Variants in PCMTD1 observed in about 807,000 individuals in gnomAD.
PCMTD1 encodes protein-L-isoaspartate O-methyltransferase domain-containing protein 1.
In PCMTD1, 12 loss-of-function variants were observed where a neutral mutation model predicts 37.6. The ratio of observed to expected loss-of-function variants is 0.32; its 90% CI spans 0.20 to 0.52. The LOEUF (loss-of-function observed/expected upper bound fraction) is 0.52. Ranked by LOEUF, PCMTD1 falls within the 20% of genes least tolerant of loss-of-function variation. PCMTD1 has a pLI of 0.97. For missense variants in PCMTD1, 235 were observed against 421.3 expected (o/e 0.56, Z 3.87); for synonymous variants, 117 against 135.8 (o/e 0.86, Z 0.96).
Position 51,817,885 on chromosome 8 carries a change from T to C in PCMTD1, c.*2466A>G. The C allele has an allele frequency of 2.2e-6, 1 of 456,830 alleles. No individual in the cohort carries two copies. Among genetic ancestry groups the C allele is most frequent in the South Asian group, 1.5e-5 (1 of 64,576 alleles). 28.3% of individuals were successfully genotyped at this position (456,830 alleles called of 1,614,324 possible). ...GGCCCTGTCTCTAACTCACTGTATG[T>C]TTCAGGCAAAACATGCCACGGTTCT... On this transcript the variant is annotated 3_prime_UTR_variant, in exon 6 of 6. Coordinates refer to ENST00000522514, the MANE Select transcript of PCMTD1 (RefSeq NM_052937.4).
intron 2 of PCMTD1, among the ~76,000 whole-genome samples, chr8:51,856,717 C>T (rs73592223): frequency 0.043 from 6,508 of 152,180 alleles, 460 homozygotes; most frequent in African/African-American, 0.14. Flanking sequence ...TGGATGAACC[C>T]TGAAAATGTA....
At chr8:51,829,000 G>A (rs1046701238) in intron 5 of PCMTD1, among the ~76,000 whole-genome samples, 1 of 151,972 alleles carries the variant, frequency 6.6e-6, no homozygotes, top group Non-Finnish European at 1.5e-5. Flanking sequence ...TGTTATATAT[G>A]GATTAAAGTC....
At chr8:51,878,195 G>A (rs994358234) in intron 1 of PCMTD1, among the ~76,000 whole-genome samples, 2 of 151,436 alleles carry the variant, frequency 1.3e-5, no homozygotes, top group Non-Finnish European at 2.9e-5. Flanking sequence ...GGCTTTGAAT[G>A]CAGCCAAACA....
intron 1 of PCMTD1, among the ~76,000 whole-genome samples, chr8:51,875,777 T>A (rs1038137128): frequency 1.3e-5 from 2 of 152,036 alleles, no homozygotes; most frequent in Admixed American, 6.6e-5. Flanking sequence ...AAAAAAAATT[T>A]AAGAATCAGC....
intron 1 of PCMTD1, among the ~76,000 whole-genome samples, chr8:51,882,971 CAAAAAA>C (rs71252917): frequency 1.5e-5 from 2 of 137,574 alleles, no homozygotes; most frequent in Non-Finnish European, 3.1e-5. Context: ...ACTAAAAATA[CAAAAAA>C]AAAAAAAAAA....
At position 51,820,737 on chromosome 8, in the gene PCMTD1, C is replaced by A; in HGVS notation, c.707-19G>T. 6.4e-7 allele frequency: 1 copy of A among 1,560,872 alleles called. No homozygotes were observed. The highest frequency in any genetic ancestry group is 8.6e-7 in the Non-Finnish European group (1 of 1,157,974). On this transcript the variant is annotated intron_variant, in intron 5 of 5. Transcript: ENST00000522514. ...CAGGGAGCTAAAAACAAACATAAAA[C>A]GCAAGAAAGAAAATATTAACAATAA... is the stretch of plus-strand genomic sequence containing the variant.
In PCMTD1 at chr8:51,899,005, C is replaced by T. The variant is rs897156213; in HGVS notation, c.-171G>A. 9 of 1,513,352 alleles carry T rather than the reference C, an allele frequency of 5.9e-6. 1 individual carries two copies. The East Asian group carries it at 2.1e-4, about 35-fold the overall frequency. The allele number at this position is 1,513,352 out of a possible 1,614,324, so 93.7% of individuals were successfully genotyped here. On this transcript the variant is annotated 5_prime_UTR_variant, in exon 1 of 6. In the 5' UTR this introduces an upstream ATG that the reference lacks. Coordinates refer to ENST00000522514, the MANE Select transcript of PCMTD1 (RefSeq NM_052937.4). ...CCGCAGCAGCCAGACGCCGCTACCACCACAATAACAACACGGACGCCACCG... is the reference window on the plus strand; with the variant it reads ...CCGCAGCAGCCAGACGCCGCTACCATCACAATAACAACACGGACGCCACCG...
At chr8:51,839,320 G>C (rs11990932) in intron 3 of PCMTD1, 5,212 of 321,582 alleles carry the variant, frequency 0.016, 62 homozygotes, top group Middle Eastern at 0.044. Flanking sequence ...ATAAGGAAAA[G>C]TAATTGACAT....
intron 1 of PCMTD1, among the ~76,000 whole-genome samples, chr8:51,895,801 G>A (rs180838686): frequency 4.5e-4 from 68 of 152,214 alleles, no homozygotes; most frequent in Admixed American, 2.1e-3. Context: ...TGGCAGATAC[G>A]CCATTTAGGT....
intron 3 of PCMTD1, among the ~76,000 whole-genome samples, chr8:51,843,943 A>C (rs1226006289): frequency 6.6e-6 from 1 of 152,182 alleles, no homozygotes; most frequent in African/African-American, 2.4e-5. Context: ...ATTTGCTTTC[A>C]CTAATACTTT....
chr8:51,853,675 T>C (rs907199043), intron 2 of PCMTD1, among the ~76,000 whole-genome samples: 8 of 152,198 alleles, frequency 5.3e-5, no homozygotes, highest in African/African-American at 1.9e-4. Context: ...AGAGACTATA[T>C]TATTTATTTT....
intron 5 of PCMTD1, among the ~76,000 whole-genome samples, chr8:51,824,736 A>C (rs2037898400): frequency 6.6e-6 from 1 of 152,206 alleles, no homozygotes; most frequent in South Asian, 2.1e-4. Context: ...TGCATAGCCA[A>C]GACAATCTTA....
intron 1 of PCMTD1, among the ~76,000 whole-genome samples, chr8:51,886,571 T>G (rs1471858201): frequency 6.6e-6 from 1 of 152,152 alleles, no homozygotes; most frequent in Non-Finnish European, 1.5e-5. Context: ...GCCCCCAAGA[T>G]TCTACAAAAA....
At chr8:51,876,235 T>A (rs1161293085) in intron 1 of PCMTD1, among the ~76,000 whole-genome samples, 2 of 152,146 alleles carry the variant, frequency 1.3e-5, no homozygotes, top group African/African-American at 4.8e-5. Flanking sequence ...TAGGTGCCAA[T>A]TTTCAACAAG....
intron 2 of PCMTD1, among the ~76,000 whole-genome samples, chr8:51,856,645 T>G (rs1023343957): frequency 3.3e-5 from 5 of 152,156 alleles, no homozygotes; most frequent in African/African-American, 1.2e-4. Context: ...GTAGTGTATA[T>G]CTATACAATG....
intron 5 of PCMTD1, among the ~76,000 whole-genome samples, chr8:51,826,377 G>T (rs565045217): frequency 4.6e-4 from 70 of 152,246 alleles, no homozygotes; most frequent in African/African-American, 1.6e-3. Context: ...GGGATGGGGG[G>T]CTAGGGGACG....
Position 51,817,658 on chromosome 8 carries a change from A to G in PCMTD1, c.*2693T>C. On this transcript the variant is annotated 3_prime_UTR_variant, in exon 6 of 6. Coordinates refer to ENST00000522514, the MANE Select transcript of PCMTD1 (RefSeq NM_052937.4). ...ATTTAACAGGCTTTGCTTCACTTTT[A>G]TCATCTCAAACAGCTATAAATCAAC... The G allele has an allele frequency of 4.8e-6, 1 of 210,220 alleles. No individual in the cohort carries two copies. Among genetic ancestry groups the G allele is most frequent in the Admixed American group, 5.8e-5 (1 of 17,104 alleles). The allele number at this position is 210,220 out of a possible 1,614,324, so 13.0% of individuals were successfully genotyped here. A position where few individuals can be genotyped will look rare whatever the true frequency, so the allele number is the denominator to read the frequency against.
intron 3 of PCMTD1, among the ~76,000 whole-genome samples, chr8:51,834,625 T>C (rs2038042117): frequency 6.6e-6 from 1 of 152,138 alleles, no homozygotes; most frequent in South Asian, 2.1e-4. Flanking sequence ...GATGAAATAA[T>C]TCATATTAAA....
At chr8:51,830,591 C>A (rs2037984241) in intron 5 of PCMTD1, among the ~76,000 whole-genome samples, 1 of 152,184 alleles carries the variant, frequency 6.6e-6, no homozygotes, top group Non-Finnish European at 1.5e-5. Context: ...AGAAAAGCCA[C>A]CTGACTGGCC....
Sources: gnomAD v4.1 joint callset for allele counts (sites outside exome capture counted in the v4.1 genomes callset) on GRCh38, gnomAD v4.1.1 for gene constraint, MANE v1.5 for transcripts, NCBI Gene and HGNC (gene_info 2026-07-23, HGNC 2026-07-21) for gene names.